Variants in AOPEP observed in about 807,000 individuals in gnomAD.
The protein encoded by AOPEP is aminopeptidase O (putative).
In AOPEP, 77 loss-of-function variants were observed where a neutral mutation model predicts 98.1. The ratio of observed to expected loss-of-function variants is 0.78; its 90% confidence interval spans 0.65 to 0.95. The LOEUF (loss-of-function observed/expected upper bound fraction) is 0.95, where lower values mean the gene tolerates loss of function less well. Ranked by LOEUF, AOPEP falls within the 40% of genes least tolerant of loss-of-function variation. AOPEP has a pLI of 0.00. For synonymous variants in AOPEP, 346 were observed against 365.3 expected, an observed-to-expected ratio of 0.95 and a Z score of 0.60; for missense variants, 1,024 against 1,024.7, an observed-to-expected ratio of 1.00 and a Z score of 0.01.
At chr9:95,113,330 G>T in the AOPEP span, among the ~76,000 whole-genome samples, 1 of 152,160 alleles carries the variant, frequency 6.6e-6, no homozygotes, top group African/African-American at 2.4e-5. Context: ...AGTGAAAAGT[G>T]GCAAAAGGAA....
chr9:94,897,172 C>A (rs2049698599), intron 5 of AOPEP, among the ~76,000 whole-genome samples: 1 of 151,902 alleles, frequency 6.6e-6, no homozygotes, highest in Non-Finnish European at 1.5e-5. Flanking sequence ...ATATTTCTAT[C>A]TAAAACATGT....
At chr9:94,953,339 G>C (rs1018829458) in intron 7 of AOPEP, among the ~76,000 whole-genome samples, 1 of 152,210 alleles carries the variant, frequency 6.6e-6, no homozygotes, top group African/African-American at 2.4e-5. Flanking sequence ...AAAATGAAAA[G>C]TATGCAGTTA....
At chr9:95,030,022 G>A (rs2064162195) in intron 13 of AOPEP, among the ~76,000 whole-genome samples, 1 of 152,198 alleles carries the variant, frequency 6.6e-6, no homozygotes, top group African/African-American at 2.4e-5. Context: ...TTTCTGGTGT[G>A]ATACCTTTCC....
intron 3 of AOPEP, among the ~76,000 whole-genome samples, chr9:94,788,593 G>A (rs1419866794): frequency 6.6e-6 from 1 of 152,094 alleles, no homozygotes; most frequent in East Asian, 1.9e-4. Context: ...TCAGGAGCAG[G>A]GGACTGAAAT....
intron 13 of AOPEP, chr9:95,049,080 CAG>C (rs1195370529): frequency 1.3e-5 from 2 of 152,152 alleles, no homozygotes; most frequent in Non-Finnish European, 1.5e-5. Context: ...ATTTCTCTGT[CAG>C]AGTTAGCTCT....
chr9:94,747,628 T>C (rs953216156), intron 1 of AOPEP, among the ~76,000 whole-genome samples: 1 of 152,236 alleles, frequency 6.6e-6, no homozygotes, highest in Non-Finnish European at 1.5e-5. Context: ...GATTAAAATT[T>C]TACCAGAGAT....
intron 11 of AOPEP, among the ~76,000 whole-genome samples, chr9:94,991,024 A>G (rs372605879): frequency 2.0e-5 from 3 of 152,340 alleles, no homozygotes; most frequent in African/African-American, 7.2e-5. Context: ...ACATGGCTGC[A>G]TACACAAGCA....
At chr9:95,037,107 A>G (rs565464174) in intron 13 of AOPEP, among the ~76,000 whole-genome samples, 2 of 152,308 alleles carry the variant, frequency 1.3e-5, no homozygotes, top group South Asian at 4.1e-4. Context: ...GCAAACCCAT[A>G]GAGGCTTTTA....
intron 5 of AOPEP, among the ~76,000 whole-genome samples, chr9:94,808,159 C>G (rs1849654487): frequency 6.6e-6 from 1 of 152,040 alleles, no homozygotes; most frequent in Non-Finnish European, 1.5e-5. Context: ...TCTGCCTCAG[C>G]CTCCTGAGTA....
chr9:94,966,590 CTTG>C (rs1455056721), intron 9 of AOPEP, among the ~76,000 whole-genome samples: 4 of 152,114 alleles, frequency 2.6e-5, no homozygotes, highest in Admixed American at 6.5e-5. Context: ...AAATATTGTT[CTTG>C]TTTGTTTCAT....
intron 5 of AOPEP, among the ~76,000 whole-genome samples, chr9:94,916,336 A>C (rs962484772): frequency 6.6e-6 from 1 of 152,166 alleles, no homozygotes; most frequent in Non-Finnish European, 1.5e-5. Flanking sequence ...ACTCACATTA[A>C]TTACTTACTT....
chr9:95,120,612 G>A, the AOPEP span, among the ~76,000 whole-genome samples: 1 of 151,788 alleles, frequency 6.6e-6, no homozygotes, highest in African/African-American at 2.4e-5. Flanking sequence ...TGTAGAGACT[G>A]GGGTCCCACT....
chr9:95,110,219 C>G, the AOPEP span: 2 of 995,008 alleles, frequency 2.0e-6, no homozygotes, highest in Non-Finnish European at 2.4e-6. Context: ...GTAGAACTTT[C>G]TAGAAATTAA....
chr9:94,928,188 G>A (rs940887316), intron 6 of AOPEP, among the ~76,000 whole-genome samples: 5 of 152,130 alleles, frequency 3.3e-5, no homozygotes, highest in Non-Finnish European at 5.9e-5. Context: ...AGAACAAGGC[G>A]ACCTCCGCCA....
intron 5 of AOPEP, among the ~76,000 whole-genome samples, chr9:94,834,583 A>G (rs10821404): frequency 0.42 from 63,743 of 151,962 alleles, 13,756 homozygotes; most frequent in East Asian, 0.51. Context: ...GCTTGAGGCC[A>G]GTAGTTCCAG....
chr9:94,923,721 T>G (rs2053919336), intron 5 of AOPEP, among the ~76,000 whole-genome samples: 1 of 152,210 alleles, frequency 6.6e-6, no homozygotes, highest in Non-Finnish European at 1.5e-5. Context: ...AGTGTAAAAC[T>G]TTGGTGCAGG....
intron 1 of AOPEP, among the ~76,000 whole-genome samples, chr9:94,739,078 T>C (rs1008154032): frequency 1.3e-5 from 2 of 152,136 alleles, no homozygotes; most frequent in Admixed American, 6.5e-5. Context: ...CTCAAGTCCA[T>C]GTCAGGTTCT....
intron 14 of AOPEP, among the ~76,000 whole-genome samples, chr9:95,077,965 C>T (rs891285165): frequency 1.8e-4 from 27 of 152,180 alleles, no homozygotes; most frequent in African/African-American, 6.3e-4. Flanking sequence ...GATGTCTTCT[C>T]AGCATCCTGT....
At chr9:95,091,375 T>A (rs1199804047), downstream of AOPEP, among the ~76,000 whole-genome samples, 1 of 152,178 alleles carries the variant, frequency 6.6e-6, no homozygotes, top group African/African-American at 2.4e-5. Context: ...TTCCCCAGAA[T>A]AAGCGGGGTG....
Sources: allele counts gnomAD v4.1 joint callset (sites outside exome capture counted in the v4.1 genomes callset), GRCh38; gene constraint gnomAD v4.1.1; transcripts MANE v1.5; gene names NCBI Gene and HGNC (gene_info 2026-07-23, HGNC 2026-07-21).